Variants in RBM19 observed in about 807,000 individuals in gnomAD.
RBM19 encodes probable RNA-binding protein 19.
A neutral mutation model predicts 116.8 loss-of-function variants in RBM19; 94 were observed. The ratio of observed to expected loss-of-function variants is 0.80; its 90% CI spans 0.68 to 0.95. RBM19 has a LOEUF of 0.95. Ranked by LOEUF, RBM19 falls within the 40% of genes least tolerant of loss-of-function variation. The pLI, the probability that RBM19 is intolerant of heterozygous loss-of-function variation, is 0.00. For synonymous variants in RBM19, 475 were observed against 494.1 expected (o/e 0.96, Z 0.51); for missense variants, 1,161 against 1,220.7 (o/e 0.95, Z 0.73).
At chr12:113,962,138 G>C (rs1012383710) in intron 2 of RBM19, 94 bp downstream of exon 2, 1 of 1,431,974 alleles carries the variant, frequency 7.0e-7, no homozygotes, top group South Asian at 1.3e-5. Flanking sequence ...ATCACAAAGT[G>C]AAGAGGGACG....
chr12:113,914,366 CTGCTTTATGTG>C (rs1424969548), intron 21 of RBM19, among the ~76,000 whole-genome samples: 3 of 152,230 alleles, frequency 2.0e-5, no homozygotes, highest in Non-Finnish European at 2.9e-5. Context: ...TGCTGACGGA[CTGCTTTATGTG>C]TGCAGGTAAT....
At chr12:113,955,655 C>T (rs1368326723) in intron 6 of RBM19, among the ~76,000 whole-genome samples, 1 of 152,198 alleles carries the variant, frequency 6.6e-6, no homozygotes, top group African/African-American at 2.4e-5. Context: ...CCCACAACTC[C>T]GGAATCCAGA....
At chr12:113,886,938 C>A (rs79363287) in intron 21 of RBM19, among the ~76,000 whole-genome samples, 1 of 151,638 alleles carries the variant, frequency 6.6e-6, no homozygotes, top group Non-Finnish European at 1.5e-5. Flanking sequence ...AGAAAGCCTG[C>A]GCTGAGAGGG....
intron 21 of RBM19, among the ~76,000 whole-genome samples, chr12:113,872,083 C>T (rs1166491032): frequency 2.7e-5 from 4 of 145,712 alleles, no homozygotes; most frequent in East Asian, 2.2e-4. Flanking sequence ...AAGTGAGGAG[C>T]GCCTCTTCCC....
intron 21 of RBM19, among the ~76,000 whole-genome samples, chr12:113,887,634 C>A (rs868182030): frequency 7.7e-4 from 55 of 71,164 alleles, no homozygotes; most frequent in East Asian, 1.7e-3. Context: ...GACTCCATCT[C>A]AAAAAAAAAA....
rs539878729 is a variant in RBM19 at position 113,867,114 on chromosome 12, C to G, written c.2559-8218G>C. The stretch of plus-strand genomic sequence containing the variant: ...CCTCTCCTTTGGCCCCTGCAGCCTA[C>G]CAGCCCTCTCAGTTGTGTTCACATC... On this transcript the variant is annotated intron_variant, in intron 21 of 23. Coordinates refer to ENST00000261741, the MANE Select transcript of RBM19 (RefSeq NM_016196.4). Among the ~76,000 whole-genome samples, 21 of 152,334 alleles carry G rather than the reference C, an allele frequency of 1.4e-4. 2 individuals are homozygous for G. In the South Asian group the frequency reaches 4.3e-3, roughly 32 times the overall value.
rs925206673 is a variant in RBM19 at position 113,921,384 on chromosome 12, TC to T, written c.2306-695del. ...TGCCCTCTTGACATTAGATTTGATGTCCCCCCACCTTCCACCCACACCCCAG... is the reference window on the plus strand; with the variant it reads ...TGCCCTCTTGACATTAGATTTGATGTCCCCCACCTTCCACCCACACCCCAG... On this transcript the variant is annotated intron_variant, in intron 18 of 23. Coordinates refer to ENST00000261741, the MANE Select transcript of RBM19 (RefSeq NM_016196.4). 3.9e-5 allele frequency among the ~76,000 whole-genome samples: 6 copies of T among 152,010 alleles called. No homozygotes were observed. In the East Asian group the frequency reaches 1.2e-3, roughly 29 times the overall value.
At chr12:113,939,521 G>A (rs1471337015) in intron 15 of RBM19, among the ~76,000 whole-genome samples, 7 of 151,460 alleles carry the variant, frequency 4.6e-5, no homozygotes, top group Middle Eastern at 3.2e-3. Flanking sequence ...AGGCTGAGGC[G>A]GGCGGATCAC....
chr12:113,829,003 C>T (rs1045290409), intron 23 of RBM19, among the ~76,000 whole-genome samples: 1 of 146,122 alleles, frequency 6.8e-6, no homozygotes, highest in Non-Finnish European at 1.5e-5. Flanking sequence ...AGGGCTGTGC[C>T]TTTTTTTTTT....
rs770854681 is a variant in RBM19 at position 113,924,708 on chromosome 12, T to C, written c.2294A>G (p.Lys765Arg). The change falls in exon 18 of 24, where the codon AAG becomes AGG. Residue 765 changes from lysine (K) to arginine (R), a missense_variant. Transcript: ENST00000261741. Reference sequence around the variant, plus strand: ...TTCATGCGGAATACCTGCTTTGTTCTTCTTCTTGGAGATGGAGCAGCTCTT... The same window carrying C: ...TTCATGCGGAATACCTGCTTTGTTCCTCTTCTTGGAGATGGAGCAGCTCTT... ...TVKSCSISKK[K>R]NKAGVLLSMG... The C allele has an allele frequency of 1.3e-6, 2 of 1,546,708 alleles. No homozygotes were observed. The highest frequency in any genetic ancestry group is 1.8e-6 in the Non-Finnish European group (2 of 1,118,872).
intron 21 of RBM19, among the ~76,000 whole-genome samples, chr12:113,900,512 C>G (rs1426431088): frequency 1.3e-5 from 2 of 152,186 alleles, no homozygotes; most frequent in African/African-American, 4.8e-5. Flanking sequence ...AGGCCTATCC[C>G]AAACCCTTCA....
chr12:113,949,790 C>T (rs1458583381), intron 9 of RBM19, among the ~76,000 whole-genome samples: 2 of 152,196 alleles, frequency 1.3e-5, no homozygotes, highest in Non-Finnish European at 2.9e-5. Flanking sequence ...CAAGCCTCCT[C>T]CAATCCCTGC....
intron 21 of RBM19, among the ~76,000 whole-genome samples, chr12:113,881,003 G>A (rs1231462905): frequency 1.3e-5 from 2 of 152,152 alleles, no homozygotes; most frequent in East Asian, 3.9e-4. Context: ...TGAGTTTTGG[G>A]CTGTGAACAT....
intron 21 of RBM19, among the ~76,000 whole-genome samples, chr12:113,877,545 A>G (rs544438737): frequency 6.6e-6 from 1 of 152,334 alleles, no homozygotes; most frequent in East Asian, 1.9e-4. Flanking sequence ...CACTGTAGCT[A>G]AGGTAAGCTA....
chr12:113,858,027 C>T (rs568752315), intron 22 of RBM19, among the ~76,000 whole-genome samples: 21 of 152,350 alleles, frequency 1.4e-4, no homozygotes, highest in Admixed American at 1.2e-3. Context: ...CGGAAGGCAG[C>T]CCACTGTGAC....
chr12:113,844,611 C>A, intron 23 of RBM19, 57 bp downstream of exon 23: 1 of 1,558,266 alleles, frequency 6.4e-7, no homozygotes, highest in South Asian at 1.2e-5. Flanking sequence ...GTCCCACCCA[C>A]CTCTTGTGTT....
rs1346535147 is a variant in RBM19 at position 113,825,825 on chromosome 12, C to T, written c.2786-2504G>A. Among the ~76,000 whole-genome samples the T allele has an allele frequency of 2.0e-5, 3 of 152,350 alleles. No homozygotes were observed. In the East Asian group the frequency reaches 5.8e-4, roughly 29 times the overall value. ...GTGCCACCATTGCCTCTGGCTTCCTCTGCCCTCCTCCCAGGAGTCTGGTCT... is the reference window on the plus strand; with the variant it reads ...GTGCCACCATTGCCTCTGGCTTCCTTTGCCCTCCTCCCAGGAGTCTGGTCT... On this transcript the variant is annotated intron_variant, in intron 23 of 23. Coordinates refer to ENST00000261741, the MANE Select transcript of RBM19 (RefSeq NM_016196.4). The surrounding 1 kb of genome is among the most constrained non-coding windows in gnomAD (Gnocchi z 5.7).
intron 18 of RBM19, among the ~76,000 whole-genome samples, chr12:113,922,258 T>G (rs1481326654): frequency 1.3e-5 from 2 of 152,198 alleles, no homozygotes; most frequent in African/African-American, 2.4e-5. Flanking sequence ...CGTCGGCCCC[T>G]TCCTTACAGA....
chr12:113,955,682 TAA>T (rs935640742), intron 6 of RBM19, among the ~76,000 whole-genome samples: 22 of 152,210 alleles, frequency 1.4e-4, no homozygotes, highest in Non-Finnish European at 2.4e-4. Flanking sequence ...TGAAAAAACC[TAA>T]GTTTCTGGTA....
Sources: gnomAD v4.1 joint callset for allele counts (sites outside exome capture counted in the v4.1 genomes callset) on GRCh38, gnomAD v4.1.1 for gene constraint, Gnocchi (gnomAD v3.1) non-coding constraint, MANE v1.5 for transcripts, NCBI Gene and HGNC (gene_info 2026-07-23, HGNC 2026-07-21) for gene names.